SLC38A9: variants seen among roughly 807,000 people sequenced by gnomAD.
SLC38A9 encodes the protein neutral amino acid transporter 9.
Under a neutral mutation model 62.3 loss-of-function variants are expected in SLC38A9, and 48 were observed. The observed-to-expected ratio is 0.77, with a 90% CI of 0.61 to 0.98. The LOEUF is 0.98. SLC38A9 is among the 50% of genes least tolerant of loss of function. The probability of loss-of-function intolerance (pLI) is 0.00; values close to 1 mark genes in which losing one functional copy is unlikely to be tolerated. For synonymous variants in SLC38A9, 204 were observed against 227.7 expected, an observed-to-expected ratio of 0.90 and a Z score of 0.94; for missense variants, 541 against 679.8, an observed-to-expected ratio of 0.80 and a Z score of 2.27.
At chr5:55,691,398 G>C in intron 3 of SLC38A9, 1 of 1,304,812 alleles carries the variant, frequency 7.7e-7, no homozygotes. Flanking sequence ...TCCTGCCCTG[G>C]GTAATACTGG....
chr5:55,689,204 A>G (rs373850232), intron 3 of SLC38A9, among the ~76,000 whole-genome samples: 66 of 152,372 alleles, frequency 4.3e-4, no homozygotes, highest in African/African-American at 1.6e-3. Context: ...TTATAAGTAT[A>G]GCACCAAAAC....
At chr5:55,690,968 T>G (rs189455099) in intron 3 of SLC38A9, among the ~76,000 whole-genome samples, 3 of 152,328 alleles carry the variant, frequency 2.0e-5, no homozygotes, top group Admixed American at 2.0e-4. Context: ...AAGAGTCAAC[T>G]TAGGCTGCTC....
At chr5:55,682,737 T>C (rs974305389) in intron 3 of SLC38A9, among the ~76,000 whole-genome samples, 19 of 151,838 alleles carry the variant, frequency 1.3e-4, no homozygotes, top group African/African-American at 4.4e-4. Context: ...ATCGTGCCAC[T>C]GCACTCCAGC....
In SLC38A9 at chr5:55,658,456, A is replaced by G. The variant is rs537703435; in HGVS notation, c.698-1682T>C. On this transcript the variant is annotated intron_variant, in intron 8 of 15. Coordinates refer to ENST00000396865, the MANE Select transcript of SLC38A9 (RefSeq NM_173514.4). ...GGCATAAACCACCGCGCCCAGCCCA[A>G]TTTATAGGAAGAGGGAAATTTGGAC... Among the ~76,000 whole-genome samples, 3 of 152,264 alleles carry G rather than the reference A, an allele frequency of 2.0e-5. No individual in the cohort carries two copies. In the South Asian group the frequency reaches 6.2e-4, roughly 32 times the overall value.
At chr5:55,659,011 CTTGA>C (rs1294241053) in intron 8 of SLC38A9, among the ~76,000 whole-genome samples, 8 of 152,244 alleles carry the variant, frequency 5.3e-5, no homozygotes, top group South Asian at 2.1e-4. Flanking sequence ...AAGATAATCT[CTTGA>C]TTGTCTCTTC....
chr5:55,677,041 C>G (rs184745947), intron 3 of SLC38A9, among the ~76,000 whole-genome samples: 1 of 152,054 alleles, frequency 6.6e-6, no homozygotes, highest in Non-Finnish European at 1.5e-5. Context: ...GGTCTTTGAA[C>G]CTGACATTAA....
chr5:55,682,528 CAT>C (rs1322708529), intron 3 of SLC38A9, among the ~76,000 whole-genome samples: 1 of 152,172 alleles, frequency 6.6e-6, no homozygotes, highest in African/African-American at 2.4e-5. Flanking sequence ...TGTGGTGGCT[CAT>C]GCTTGTGATC....
intron 9 of SLC38A9, among the ~76,000 whole-genome samples, chr5:55,654,033 T>TG (rs1580184324): frequency 6.6e-6 from 1 of 151,962 alleles, no homozygotes; most frequent in East Asian, 1.9e-4. Flanking sequence ...GCCATTCTCA[T>TG]TGTTTCTAAT....
intron 2 of SLC38A9, among the ~76,000 whole-genome samples, chr5:55,698,198 G>A (rs905205200): frequency 1.3e-5 from 2 of 151,930 alleles, no homozygotes; most frequent in Admixed American, 6.6e-5. Context: ...AAATAAGTGG[G>A]GCAATTCATT....
At chr5:55,646,955 AC>A in intron 11 of SLC38A9, among the ~76,000 whole-genome samples, 1 of 152,212 alleles carries the variant, frequency 6.6e-6, no homozygotes, top group Middle Eastern at 3.4e-3. Flanking sequence ...ACAGGGTCTC[AC>A]CATGTTGTCC....
intron 2 of SLC38A9, among the ~76,000 whole-genome samples, chr5:55,709,358 T>C (rs13181411): frequency 0.55 from 82,978 of 151,974 alleles, 23,998 homozygotes; most frequent in South Asian, 0.65. Flanking sequence ...GCAGGCCTGG[T>C]AGACATTTTT....
chr5:55,626,228 G>T lies in SLC38A9; in HGVS notation c.*266C>A. 3.8e-6 allele frequency: 1 copy of T among 266,090 alleles called. No homozygotes were observed. Among genetic ancestry groups the T allele is most frequent in the African/African-American group, 2.2e-5 (1 of 45,556 alleles). 16.5% of individuals were successfully genotyped at this position (266,090 alleles called of 1,614,324 possible). On this transcript the variant is annotated 3_prime_UTR_variant, in exon 16 of 16. Coordinates refer to ENST00000396865, the MANE Select transcript of SLC38A9 (RefSeq NM_173514.4). ...AAAACCCAGCATGATTTCTTCCTAGGGCATACATTTCTATTCAGAAAAGAC... is the reference window on the plus strand; with the variant it reads ...AAAACCCAGCATGATTTCTTCCTAGTGCATACATTTCTATTCAGAAAAGAC...
rs753602463 is a variant in SLC38A9 at position 55,672,712 on chromosome 5, C to G, written c.114-17G>C. ...CAGAAAGGCCTACAAAGGGAATATA[C>G]ACTTGACAAAAAGTGTTCAGCCAAA... On this transcript the variant is annotated splice_polypyrimidine_tract_variant and intron_variant, in intron 3 of 15. Coordinates refer to ENST00000396865, the MANE Select transcript of SLC38A9 (RefSeq NM_173514.4). 6 of 1,598,308 alleles carry G rather than the reference C, an allele frequency of 3.8e-6. No individual in the cohort carries two copies. The highest frequency in any genetic ancestry group is 5.1e-6 in the Non-Finnish European group (6 of 1,174,388).
At chr5:55,681,325 G>A (rs998458341) in intron 3 of SLC38A9, among the ~76,000 whole-genome samples, 1 of 152,170 alleles carries the variant, frequency 6.6e-6, no homozygotes, top group African/African-American at 2.4e-5. Context: ...AATTTAAGAT[G>A]ATATTTAGAA....
chr5:55,700,677 T>C (rs1418413422), intron 2 of SLC38A9, among the ~76,000 whole-genome samples: 2 of 152,208 alleles, frequency 1.3e-5, no homozygotes, highest in Non-Finnish European at 2.9e-5. Context: ...AATCATGATA[T>C]CTTTCCTATC....
chr5:55,637,356 G>A (rs933530578), intron 12 of SLC38A9, among the ~76,000 whole-genome samples: 1 of 152,192 alleles, frequency 6.6e-6, no homozygotes, highest in African/African-American at 2.4e-5. Flanking sequence ...CCGCTTCTCT[G>A]TTCTCACGGC....
chr5:55,687,426 CAAAAAAAAAA>C (rs34476189), intron 3 of SLC38A9, among the ~76,000 whole-genome samples: 7 of 76,396 alleles, frequency 9.2e-5, no homozygotes, highest in South Asian at 6.2e-4. Flanking sequence ...GACTCCGTCT[CAAAAAAAAAA>C]AAAAAAAAAA....
At chr5:55,652,249 T>C (rs1428866081) in intron 10 of SLC38A9, among the ~76,000 whole-genome samples, 2 of 149,414 alleles carry the variant, frequency 1.3e-5, no homozygotes, top group African/African-American at 4.9e-5. Context: ...TCCCAGCTAC[T>C]TGGGAGGCTG....
intron 3 of SLC38A9, among the ~76,000 whole-genome samples, chr5:55,676,921 GTT>G (rs1752184078): frequency 1.3e-5 from 2 of 151,880 alleles, no homozygotes; most frequent in Non-Finnish European, 2.9e-5. Flanking sequence ...TTGTTAGATG[GTT>G]TTATTGCTGA....
Sources: gnomAD v4.1 joint callset for allele counts (sites outside exome capture counted in the v4.1 genomes callset) on GRCh38, gnomAD v4.1.1 for gene constraint, MANE v1.5 for transcripts, NCBI Gene and HGNC (gene_info 2026-07-23, HGNC 2026-07-21) for gene names.